Variants in DPH6 observed in about 807,000 individuals in gnomAD.
DPH6 encodes the protein diphthine--ammonia ligase.
A neutral mutation model predicts 38.2 loss-of-function variants in DPH6; 33 were observed. The ratio of observed to expected loss-of-function variants is 0.86; its 90% CI spans 0.65 to 1.15. The LOEUF (loss-of-function observed/expected upper bound fraction) is 1.15. Ranked by LOEUF, DPH6 falls within the 50% of genes most tolerant of loss-of-function variation. The pLI, the probability that DPH6 is intolerant of heterozygous loss-of-function variation, is 0.00. For missense variants in DPH6, 325 were observed against 320.0 expected (o/e 1.02, Z -0.12); for synonymous variants, 108 against 103.0 (o/e 1.05, Z -0.30).
intron 6 of DPH6, among the ~76,000 whole-genome samples, chr15:35,388,370 G>A (rs901269512): frequency 5.9e-5 from 9 of 152,202 alleles, no homozygotes; most frequent in Non-Finnish European, 1.0e-4. Flanking sequence ...ATGAGTTACA[G>A]AGGATTTCCT....
chr15:35,327,726 C>T (rs2052296545), downstream of DPH6, among the ~76,000 whole-genome samples: 1 of 152,182 alleles, frequency 6.6e-6, no homozygotes, highest in Admixed American at 6.6e-5. Flanking sequence ...AGACTTTGGT[C>T]TCTAACTTCT....
intron 3 of DPH6, among the ~76,000 whole-genome samples, chr15:35,504,573 T>C (rs1310681849): frequency 6.6e-6 from 1 of 151,938 alleles, no homozygotes; most frequent in Non-Finnish European, 1.5e-5. Flanking sequence ...TAAATCTGGG[T>C]CATTCTTTTA....
Position 35,371,613 on chromosome 15 carries a change from G to GTT in DPH6, c.*536_*537insAA, listed in dbSNP as rs1386350583. On this transcript the variant is annotated 3_prime_UTR_variant, in exon 9 of 9. Transcript: ENST00000256538. ...TTAAAAATCAGTTATAAAATAACTT[G>GTT]TAAGAGTTAAGGACATTCTTCCTAA... 2 of 983,220 alleles carry GTT rather than the reference G, an allele frequency of 2.0e-6. No homozygotes were observed. Among genetic ancestry groups the GTT allele is most frequent in the African/African-American group, 3.5e-5 (2 of 57,172 alleles). The allele number at this position is 983,220 out of a possible 1,614,324, so 60.9% of individuals were successfully genotyped here.
intron 3 of DPH6, among the ~76,000 whole-genome samples, chr15:35,532,485 T>C (rs1048276565): frequency 1.3e-5 from 2 of 152,000 alleles, no homozygotes; most frequent in African/African-American, 4.8e-5. Context: ...TTGAGGGGGA[T>C]GGAGTGGAGA....
At chr15:35,480,279 T>C (rs2054311293) in intron 3 of DPH6, among the ~76,000 whole-genome samples, 1 of 152,106 alleles carries the variant, frequency 6.6e-6, no homozygotes. Flanking sequence ...GCCAAATATA[T>C]AAGCACTTTA....
At chr15:35,528,356 A>G (rs2055036250) in intron 3 of DPH6, among the ~76,000 whole-genome samples, 1 of 152,198 alleles carries the variant, frequency 6.6e-6, no homozygotes, top group African/African-American at 2.4e-5. Context: ...GGATCATAAT[A>G]TTTATAATAT....
the DPH6 span, among the ~76,000 whole-genome samples, chr15:35,203,700 T>C: frequency 7.9e-5 from 12 of 151,882 alleles, no homozygotes; most frequent in African/African-American, 2.9e-4. Context: ...ATTAAATTTA[T>C]GATTAAATTT....
chr15:35,498,952 A>G (rs1228853512), intron 3 of DPH6, among the ~76,000 whole-genome samples: 1 of 151,300 alleles, frequency 6.6e-6, no homozygotes, highest in East Asian at 1.9e-4. Flanking sequence ...TTAAAAAAAA[A>G]AAAAAAAAAA....
intron 3 of DPH6, among the ~76,000 whole-genome samples, chr15:35,529,465 G>A (rs2141252979): frequency 6.6e-6 from 1 of 152,200 alleles, no homozygotes; most frequent in Non-Finnish European, 1.5e-5. Context: ...AACTTGACAT[G>A]AGATATGGGT....
At position 35,248,615 on chromosome 15, in the gene DPH6, A is replaced by G. The variant is rs927955746; in HGVS notation, n.201-28033T>C. Among the ~76,000 whole-genome samples the G allele has an allele frequency of 4.6e-5, 7 of 152,318 alleles. No homozygotes were observed. The South Asian group carries it at 6.2e-4, about 14-fold the overall frequency. ...AAATCAGACTGCTTTCCCTCTATCTATGGGTCACTCAATCTGAAGGCTCCC... is the reference window on the plus strand; with the variant it reads ...AAATCAGACTGCTTTCCCTCTATCTGTGGGTCACTCAATCTGAAGGCTCCC... On this transcript the variant is annotated intron_variant and non_coding_transcript_variant, in intron 3 of 3. Coordinates refer to the DPH6 transcript ENST00000560386.
At chr15:35,307,505 C>A (rs972154462) in intron 3 of DPH6, among the ~76,000 whole-genome samples, 1 of 151,884 alleles carries the variant, frequency 6.6e-6, no homozygotes, top group African/African-American at 2.4e-5. Flanking sequence ...CCCTGTTTTT[C>A]CTGAGGAAAA....
intron 6 of DPH6, among the ~76,000 whole-genome samples, chr15:35,388,711 A>C (rs1407018816): frequency 6.6e-6 from 1 of 151,802 alleles, no homozygotes; most frequent in Non-Finnish European, 1.5e-5. Context: ...TTTTTATTGC[A>C]TCTATTTGAT....
At chr15:35,383,025 C>T (rs2052892637) in intron 6 of DPH6, among the ~76,000 whole-genome samples, 1 of 152,140 alleles carries the variant, frequency 6.6e-6, no homozygotes, top group African/African-American at 2.4e-5. Context: ...GCTATTCACC[C>T]TTTCTAACAA....
chr15:35,283,757 TACACACACACACACAC>T (rs3028682), intron 3 of DPH6, among the ~76,000 whole-genome samples: 1,522 of 140,578 alleles, frequency 0.011, 13 homozygotes, highest in Non-Finnish European at 0.018. Context: ...GCACAGATAG[TACACACACACACACAC>T]ACACACACAC....
chr15:35,323,300 G>C (rs1271752686), intron 3 of DPH6, among the ~76,000 whole-genome samples: 1 of 152,026 alleles, frequency 6.6e-6, no homozygotes, highest in Non-Finnish European at 1.5e-5. Context: ...AGAGAATTTT[G>C]GTTTTATGTC....
chr15:35,322,627 A>G (rs908782073), intron 3 of DPH6, among the ~76,000 whole-genome samples: 1 of 152,284 alleles, frequency 6.6e-6, no homozygotes, highest in Admixed American at 6.5e-5. Flanking sequence ...TAACCCTGAC[A>G]GCATCTAACA....
chr15:35,429,813 A>C (rs139702079), intron 5 of DPH6, among the ~76,000 whole-genome samples: 49 of 152,230 alleles, frequency 3.2e-4, no homozygotes, highest in African/African-American at 1.1e-3. Flanking sequence ...TAATGAAAAA[A>C]TCTGTTCCTA....
chr15:35,520,744 G>A (rs2054912361), intron 3 of DPH6: 2 of 984,274 alleles, frequency 2.0e-6, no homozygotes, highest in Non-Finnish European at 2.4e-6. Context: ...ATCAAACCAA[G>A]TAGAATATGT....
At chr15:35,241,358 A>G (rs1159770578) in intron 3 of DPH6, among the ~76,000 whole-genome samples, 1 of 141,834 alleles carries the variant, frequency 7.1e-6, no homozygotes, top group African/African-American at 2.6e-5. Flanking sequence ...TACGGAGGCT[A>G]CCCACTCCAC....
Sources: gnomAD v4.1 joint callset for allele counts (sites outside exome capture counted in the v4.1 genomes callset) on GRCh38, gnomAD v4.1.1 for gene constraint, MANE v1.5 for transcripts, NCBI Gene and HGNC (gene_info 2026-07-23, HGNC 2026-07-21) for gene names.